FBN3: variants seen among roughly 807,000 people sequenced by gnomAD.
The protein encoded by FBN3 is fibrillin-3.
Under a neutral mutation model 330.1 loss-of-function variants are expected in FBN3, and 234 were observed. That is an observed-to-expected ratio of 0.71 (90% confidence interval 0.64 to 0.79). The LOEUF is 0.79. Among genes scored for constraint, FBN3 ranks in the 30% least tolerant of loss-of-function variants. FBN3 has a pLI of 0.00. For missense variants in FBN3, 3,606 were observed against 3,886.9 expected, an observed-to-expected ratio of 0.93 and a Z score of 1.92; for synonymous variants, 1,458 against 1,517.3, an observed-to-expected ratio of 0.96 and a Z score of 0.91.
At position 8,096,019 on chromosome 19, in the gene FBN3, G is replaced by A; in HGVS notation, c.5601C>T (p.Ser1867=). 1 of 1,614,120 alleles carries A rather than the reference G, an allele frequency of 6.2e-7. No homozygotes were observed. The highest frequency in any genetic ancestry group is 8.5e-7 in the Non-Finnish European group (1 of 1,179,966). ...GNGTCKNIIG[S]YNCLCFPGFV... ...AGCCAGGGAAGCAGAGGCAGTTGTA[G>A]GAGCCAATGATGTTCTTGCAGGTCC... Residue 1867 remains serine, a synonymous_variant, in exon 45 of 64, where the codon TCC becomes TCT. Transcript: ENST00000600128. The surrounding 1 kb of genome is among the most constrained non-coding windows in gnomAD (Gnocchi z 4.6).
At chr19:8,146,376 T>C in intron 3 of FBN3, 151 bp from the exon 4 acceptor site, 1 of 682,586 alleles carries the variant, frequency 1.5e-6, no homozygotes, top group Non-Finnish European at 2.6e-6. Context: ...ACCCCTGTTT[T>C]CATGGGATGT....
At chr19:8,125,858 T>G in intron 22 of FBN3, 34 bp downstream of exon 22, 1 of 1,574,548 alleles carries the variant, frequency 6.4e-7, no homozygotes, top group Non-Finnish European at 8.6e-7. Context: ...AGGAAGAACG[T>G]GTGGCCCTGT....
In FBN3 at chr19:8,088,169, C is replaced by G. The variant is rs868861390; in HGVS notation, c.6387G>C (p.Glu2129Asp). 28 of 1,601,134 alleles carry G rather than the reference C, an allele frequency of 1.7e-5. 3 individuals are homozygous for G. The Middle Eastern group carries it at 3.9e-3, about 225-fold the overall frequency. Residue 2129 changes from glutamate (E) to aspartate (D), a missense_variant, in exon 52 of 64, where the codon GAG becomes GAC. Physicochemically the swap from Glu to Asp is conservative, Grantham distance 45. Coordinates refer to ENST00000600128, the MANE Select transcript of FBN3 (RefSeq NM_032447.5). ...FTGINCVDTD[E>D]CSVGHPCGQG... is the part of the protein sequence containing the mutation. ...GCCCACAGGGGTGGCCGACAGAGCA[C>G]TCGTCTGTGTCTGGGTGGGAGTAAG...
intron 47 of FBN3, among the ~76,000 whole-genome samples, chr19:8,091,952 C>T (rs1413300022): frequency 2.0e-5 from 3 of 152,130 alleles, no homozygotes; most frequent in East Asian, 1.9e-4. Context: ...GAGGTGGAGG[C>T]GGGTGGATCA....
intron 28 of FBN3, among the ~76,000 whole-genome samples, 174 bp downstream of exon 28, chr19:8,116,995 T>C (rs1317448117): frequency 1.3e-5 from 2 of 151,814 alleles, no homozygotes; most frequent in Non-Finnish European, 2.9e-5. Flanking sequence ...TCCCAGGGGC[T>C]CTCCCACAGG....
At chr19:8,147,274 CA>C in intron 2 of FBN3, 39 bp downstream of exon 2, 3 of 1,572,226 alleles carry the variant, frequency 1.9e-6, no homozygotes, top group African/African-American at 1.3e-5. Flanking sequence ...CAGCCCAATC[CA>C]CACCGAAGGG....
rs760719929 is a variant in FBN3 at position 8,117,463 on chromosome 19, C to A, written c.3463+1G>T. The A allele has an allele frequency of 3.2e-6, 5 of 1,561,276 alleles. No homozygotes were observed. In the African/African-American group the frequency reaches 5.4e-5, roughly 17 times the overall value. On this transcript the variant is annotated splice_donor_variant, in intron 27 of 63. Transcript: ENST00000600128. LOFTEE classifies it high-confidence loss of function. The stretch of plus-strand genomic sequence containing the variant: ...GGGCCAGCAGGTGGGCACAGTCTCA[C>A]CCACGCAGCCCTGGCGGTCAGGTGT...
At chr19:8,088,252 C>G in intron 51 of FBN3, 73 bp from the exon 52 acceptor site, 1 of 1,513,388 alleles carries the variant, frequency 6.6e-7, no homozygotes, top group Non-Finnish European at 8.9e-7. Flanking sequence ...ATCTGCCTGC[C>G]TGTTGACCAC....
In FBN3 at chr19:8,131,725, C is replaced by G; in HGVS notation, c.1819G>C (p.Asp607His). 1 of 1,613,808 alleles carries G rather than the reference C, an allele frequency of 6.2e-7. No homozygotes were observed. The highest frequency in any genetic ancestry group is 8.5e-7 in the Non-Finnish European group (1 of 1,179,906). ...TGGGTGTCCACGCACACGCGGCCATCCGTGCCTACCGCCAGCCCCCCCAGG... is the reference window on the plus strand; with the variant it reads ...TGGGTGTCCACGCACACGCGGCCATGCGTGCCTACCGCCAGCCCCCCCAGG... ...QCLGGLAVGT[D>H]GRVCVDTHVR... The change falls in exon 15 of 64, where the codon GAT (aspartate) becomes CAT (histidine). Residue 607 changes from aspartate to histidine, a missense_variant. Transcript: ENST00000600128. This position sits in a 1 kb window ranked among gnomAD's most constrained non-coding sequence, Gnocchi z 4.5.
chr19:8,130,918 T>C (rs969430876), intron 16 of FBN3, among the ~76,000 whole-genome samples: 1 of 151,636 alleles, frequency 6.6e-6, no homozygotes, highest in African/African-American at 2.4e-5. Context: ...CATGTGAAGA[T>C]GGAGGCAGAG....
chr19:8,072,223 G>A lies in FBN3; in HGVS notation c.7938-25C>T, dbSNP rs772280884. ...CCTGGGCCAGGATGGGCAGGGTGGA[G>A]GGGTTTCAGAGGCGGGCTGATGGGA... On this transcript the variant is annotated intron_variant, in intron 62 of 63. Transcript: ENST00000600128. 5 of 1,497,954 alleles carry A rather than the reference G, an allele frequency of 3.3e-6. No homozygotes were observed. In the African/African-American group the frequency reaches 7.1e-5, roughly 21 times the overall value. 92.8% of individuals were successfully genotyped at this position (1,497,954 alleles called of 1,614,324 possible). A position where few individuals can be genotyped will look rare whatever the true frequency, so the allele number is the denominator to read the frequency against.
At chr19:8,135,936 G>GGGGGGGGGGGGGGGGGGGGGGGCCGCCC in intron 13 of FBN3, 25 bp downstream of exon 13, 1 of 668,778 alleles carries the variant, frequency 1.5e-6, no homozygotes, top group Non-Finnish European at 2.4e-6. Context: ...GGAAGCCCCT[G>GGGGGGGGGGGGGGGGGGGGGGGCCGCCC]CCCACCCGCC....
At chr19:8,066,646 C>T (rs1386566130) in intron 63 of FBN3, among the ~76,000 whole-genome samples, 2 of 151,668 alleles carry the variant, frequency 1.3e-5, no homozygotes, top group African/African-American at 2.4e-5. Context: ...TTTGGGAGGC[C>T]GAGGCGGGTG....
chr19:8,076,247 C>CGTGTGTGTGT (rs34549426), intron 59 of FBN3, among the ~76,000 whole-genome samples: 12,558 of 147,626 alleles, frequency 0.085, 654 homozygotes, highest in Non-Finnish European at 0.11. Flanking sequence ...TGTCCGTGTG[C>CGTGTGTGTGT]GTGTGTGTGT....
intron 59 of FBN3, among the ~76,000 whole-genome samples, chr19:8,076,262 G>C (rs1599269401): frequency 6.6e-6 from 1 of 152,092 alleles, no homozygotes; most frequent in East Asian, 1.9e-4. Context: ...GTGTGTGTGT[G>C]TGTGTGTGTG....
rs1313120939 is a variant in FBN3, at chr19:8,085,369, C to G, written c.7081G>C (p.Gly2361Arg). Residue 2361 changes from glycine to arginine, a missense_variant, in exon 56 of 64, where the codon GGC becomes CGC. By Grantham distance (125) the Gly-to-Arg change is moderately radical (BLOSUM62 -2). Coordinates refer to ENST00000600128, the MANE Select transcript of FBN3 (RefSeq NM_032447.5). ...CPHGSGYTAE[G>R]RDVDECRMLA... ...TGAGGGCATGGGCACCCACCTCGGCCCTCAGCAGTGTAGCCTGAGCCATGG... is the reference window on the plus strand; with the variant it reads ...TGAGGGCATGGGCACCCACCTCGGCGCTCAGCAGTGTAGCCTGAGCCATGG... 1.0e-5 allele frequency: 16 copies of G among 1,574,034 alleles called. No homozygotes were observed. In the South Asian group the frequency reaches 1.8e-4, roughly 17 times the overall value.
chr19:8,116,454 A>G (rs1462547776), intron 29 of FBN3, among the ~76,000 whole-genome samples: 2 of 152,224 alleles, frequency 1.3e-5, no homozygotes, highest in African/African-American at 2.4e-5. Context: ...CTTCTGTTAT[A>G]TAAATGGGAT....
intron 6 of FBN3, among the ~76,000 whole-genome samples, chr19:8,143,405 G>A (rs1393302677): frequency 6.6e-6 from 1 of 151,772 alleles, no homozygotes; most frequent in East Asian, 1.9e-4. Context: ...GGTTCATCCT[G>A]ACTCCCTCCT....
At chr19:8,135,936 G>GGACCCCCCCCC in intron 13 of FBN3, 25 bp downstream of exon 13, 1 of 668,778 alleles carries the variant, frequency 1.5e-6, no homozygotes, top group South Asian at 1.6e-5. Flanking sequence ...GGAAGCCCCT[G>GGACCCCCCCCC]CCCACCCGCC....
Sources: gnomAD v4.1 joint callset for allele counts (sites outside exome capture counted in the v4.1 genomes callset) on GRCh38, gnomAD v4.1.1 for gene constraint, Gnocchi (gnomAD v3.1) non-coding constraint, MANE v1.5 for transcripts, NCBI Gene and HGNC (gene_info 2026-07-23, HGNC 2026-07-21) for gene names.